Variants in STXBP5 observed in about 807,000 individuals in gnomAD.
STXBP5 encodes the protein syntaxin-binding protein 5.
A neutral mutation model predicts 152.4 loss-of-function variants in STXBP5; 50 were observed. The ratio of observed to expected loss-of-function variants is 0.33; its 90% CI spans 0.26 to 0.42. STXBP5 has a LOEUF of 0.42. STXBP5 is among the 10% of genes least tolerant of loss of function. The probability of loss-of-function intolerance (pLI) is 1.00; values close to 1 mark genes in which losing one functional copy is unlikely to be tolerated. For missense variants in STXBP5, 1,167 were observed against 1,388.6 expected (o/e 0.84, Z 2.54); for synonymous variants, 492 against 494.7 (o/e 0.99, Z 0.07).
chr6:147,239,693 A>G (rs1265550806), intron 4 of STXBP5, among the ~76,000 whole-genome samples: 1 of 152,206 alleles, frequency 6.6e-6, no homozygotes, highest in Non-Finnish European at 1.5e-5. Flanking sequence ...GCCATAATTT[A>G]TTCAGCCATT....
chr6:147,385,554 G>C lies in STXBP5; in HGVS notation c.*799G>C, dbSNP rs1374868790. On this transcript the variant is annotated 3_prime_UTR_variant, in exon 28 of 28. Transcript: ENST00000321680. Reference sequence around the variant, plus strand: ...AGAAAAACCTCCATTGTGGTGAGGAGAATACTTCAATGTCCCTTGTCCTTG... The same window carrying C: ...AGAAAAACCTCCATTGTGGTGAGGACAATACTTCAATGTCCCTTGTCCTTG... 1 of 152,018 alleles carries C rather than the reference G, an allele frequency of 6.6e-6. No homozygotes were observed. The highest frequency in any genetic ancestry group is 1.5e-5 in the Non-Finnish European group (1 of 67,986). The allele number at this position is 152,018 out of a possible 1,614,324, so 9.4% of individuals were successfully genotyped here. A position where few individuals can be genotyped will look rare whatever the true frequency, so the allele number is the denominator to read the frequency against.
chr6:147,310,051 CATTAATAATCTTAATATGT>C lies in STXBP5; in HGVS notation c.918-29_918-11del. ...AGCAAGAAAATTATCTTTACTATGCCATTAATAATCTTAATATGTATTTTATTTCCAGGGAGCCTTTTAT... is the reference window on the plus strand; with the variant it reads ...AGCAAGAAAATTATCTTTACTATGCCATTTTATTTCCAGGGAGCCTTTTAT... On this transcript the variant is annotated splice_polypyrimidine_tract_variant and intron_variant, in intron 9 of 27. Coordinates refer to ENST00000321680, the MANE Select transcript of STXBP5 (RefSeq NM_001127715.4). The C allele has an allele frequency of 7.3e-7, 1 of 1,378,450 alleles. No individual in the cohort carries two copies. The highest frequency in any genetic ancestry group is 2.5e-5 in the East Asian group (1 of 39,540). 85.4% of individuals were successfully genotyped at this position (1,378,450 alleles called of 1,614,324 possible).
intron 9 of STXBP5, among the ~76,000 whole-genome samples, chr6:147,299,584 C>A (rs1389832399): frequency 1.3e-5 from 2 of 151,980 alleles, no homozygotes; most frequent in Non-Finnish European, 2.9e-5. Context: ...CTAACTCATT[C>A]TATGAGGCCA....
At chr6:147,310,587 G>A (rs967531191) in intron 10 of STXBP5, among the ~76,000 whole-genome samples, 7 of 152,118 alleles carry the variant, frequency 4.6e-5, no homozygotes, top group Non-Finnish European at 8.8e-5. Flanking sequence ...GGCTCACACT[G>A]TTGTGGGGGC....
At chr6:147,313,223 A>G (rs565613617) in intron 11 of STXBP5, among the ~76,000 whole-genome samples, 1 of 152,150 alleles carries the variant, frequency 6.6e-6, no homozygotes, top group East Asian at 1.9e-4. Flanking sequence ...GCACTTTTTA[A>G]ATTTTTTAGC....
In STXBP5 at chr6:147,204,453, C is replaced by T. The variant is rs1776427575; in HGVS notation, c.-80C>T. 4 of 1,471,432 alleles carry T rather than the reference C, an allele frequency of 2.7e-6. No homozygotes were observed. The highest frequency in any genetic ancestry group is 2.1e-5 in the Admixed American group (1 of 48,480). The allele number at this position is 1,471,432 out of a possible 1,614,324, so 91.1% of individuals were successfully genotyped here. On this transcript the variant is annotated 5_prime_UTR_variant, in exon 1 of 28. Transcript: ENST00000321680. This position sits in a 1 kb window ranked among gnomAD's most constrained non-coding sequence, Gnocchi z 4.3. ...CCTCCGTTTCCGCGGTCGAAGCTGC[C>T]TTCGGCCCCGGGTGGTCTCCCCCGC...
intron 2 of STXBP5, among the ~76,000 whole-genome samples, chr6:147,213,102 G>GTATAAT (rs1277885286): frequency 2.0e-5 from 3 of 152,014 alleles, no homozygotes; most frequent in African/African-American, 4.8e-5. Flanking sequence ...TACTAAATTT[G>GTATAAT]GTAATTGTAT....
At chr6:147,354,052 T>C (rs912422314) in intron 22 of STXBP5, among the ~76,000 whole-genome samples, 1 of 151,556 alleles carries the variant, frequency 6.6e-6, no homozygotes, top group Admixed American at 6.6e-5. Flanking sequence ...ATTTAAGAAA[T>C]TTCTGTTGCC....
intron 9 of STXBP5, among the ~76,000 whole-genome samples, chr6:147,308,723 A>G (rs1782222306): frequency 6.6e-6 from 1 of 152,196 alleles, no homozygotes. Flanking sequence ...ATTGATATTT[A>G]AGTTTACTTA....
At chr6:147,238,745 A>G (rs576162188) in intron 3 of STXBP5, among the ~76,000 whole-genome samples, 31 of 152,330 alleles carry the variant, frequency 2.0e-4, no homozygotes, top group African/African-American at 5.3e-4. Context: ...TGATCTGGGT[A>G]TAGTACTTCC....
chr6:147,308,309 G>A (rs575326168), intron 9 of STXBP5, among the ~76,000 whole-genome samples: 17 of 152,280 alleles, frequency 1.1e-4, no homozygotes, highest in Admixed American at 1.0e-3. Context: ...TTGAAACACT[G>A]AATGTATGGA....
chr6:147,359,251 C>T lies in STXBP5; in HGVS notation c.2473C>T (p.Leu825Phe). ...GGTTGGAACAACGCTAGGAACAGTG[C>T]TTGTCATTGCACTGAACCTTCCCCC... ...LWVGTTLGTV[L>F]VIALNLPPGG... is the part of the protein sequence containing the mutation. The change falls in exon 23 of 28, where the codon CTT becomes TTT. Residue 825 changes from leucine to phenylalanine, a missense_variant. By Grantham distance (22) the Leu-to-Phe change is conservative. Around this residue, in one of 3 missense-constraint regions of STXBP5, gnomAD observed 833 missense variants for 986.3 expected, o/e 0.84. Transcript: ENST00000321680. 1 of 1,614,056 alleles carries T rather than the reference C, an allele frequency of 6.2e-7. No homozygotes were observed. The highest frequency in any genetic ancestry group is 1.3e-5 in the African/African-American group (1 of 75,044).
rs929344352 is a variant in STXBP5, at chr6:147,311,461, A to G, written c.1079A>G (p.Gln360Arg). ...LCETPYPNDFQEPYAVVVLLE... is the reference protein window; with the variant it reads ...LCETPYPNDFREPYAVVVLLE... ...ATGCATTGTCCAATTCCAGATTTTC[A>G]AGAACCATATGCTGTGGTTGTTCTT... The change falls in exon 11 of 28, where the codon CAA becomes CGA. Residue 360 changes from glutamine (Q) to arginine (R), a missense_variant. Physicochemically the swap from Gln to Arg is conservative, Grantham distance 43 (BLOSUM62 1). Coordinates refer to ENST00000321680, the MANE Select transcript of STXBP5 (RefSeq NM_001127715.4). The G allele has an allele frequency of 8.1e-6, 13 of 1,611,718 alleles. No individual in the cohort carries two copies. The highest frequency in any genetic ancestry group is 1.1e-5 in the Non-Finnish European group (13 of 1,179,024).
At chr6:147,245,032 G>A (rs1038703413) in intron 4 of STXBP5, among the ~76,000 whole-genome samples, 10 of 118,490 alleles carry the variant, frequency 8.4e-5, no homozygotes, top group Non-Finnish European at 4.9e-5. Context: ...TTGGTCTGTT[G>A]CCCAGGCTGG....
At chr6:147,376,114 C>G (rs1159192840) in intron 26 of STXBP5, among the ~76,000 whole-genome samples, 1 of 152,098 alleles carries the variant, frequency 6.6e-6, no homozygotes, top group Non-Finnish European at 1.5e-5. Context: ...TCTTTATGAA[C>G]TGCAAAATAA....
intron 21 of STXBP5, among the ~76,000 whole-genome samples, chr6:147,343,780 T>C (rs1317657365): frequency 6.6e-6 from 1 of 152,202 alleles, no homozygotes; most frequent in Non-Finnish European, 1.5e-5. Context: ...ATCAAATTAT[T>C]TTATTCATTG....
chr6:147,382,082 C>T (rs544490382), intron 26 of STXBP5, among the ~76,000 whole-genome samples: 1 of 152,134 alleles, frequency 6.6e-6, no homozygotes, highest in African/African-American at 2.4e-5. Flanking sequence ...AGCTGAGGAA[C>T]CAGGAAACTT....
rs1027097175 is a variant in STXBP5 at position 147,265,836 on chromosome 6, C to G, written c.631-1248C>G. Among the ~76,000 whole-genome samples the G allele has an allele frequency of 3.3e-5, 5 of 151,916 alleles. No individual in the cohort carries two copies. The South Asian group carries it at 1.0e-3, about 31-fold the overall frequency. On this transcript the variant is annotated intron_variant, in intron 6 of 27. Coordinates refer to ENST00000321680, the MANE Select transcript of STXBP5 (RefSeq NM_001127715.4). ...TAAAAACTAATCCTTGCCCCGATAT[C>G]CCGGTTTTACAGACTGCACGATAAT...
chr6:147,282,516 A>C (rs1199311877), intron 8 of STXBP5, among the ~76,000 whole-genome samples: 1 of 152,198 alleles, frequency 6.6e-6, no homozygotes, highest in Non-Finnish European at 1.5e-5. Context: ...TTTAAGCTAC[A>C]AAGTTTAGTG....
Sources: gnomAD v4.1 joint callset for allele counts (sites outside exome capture counted in the v4.1 genomes callset) on GRCh38, gnomAD v4.1.1 for gene constraint, gnomAD v4.1.1 regional missense constraint, Gnocchi (gnomAD v3.1) non-coding constraint, MANE v1.5 for transcripts, NCBI Gene and HGNC (gene_info 2026-07-23, HGNC 2026-07-21) for gene names.